MRPS5: variants seen among roughly 807,000 people sequenced by gnomAD.
MRPS5 encodes the protein mitochondrial ribosomal protein S5.
Under a neutral mutation model 51.9 loss-of-function variants are expected in MRPS5, and 27 were observed. The observed-to-expected ratio is 0.52, with a 90% CI of 0.38 to 0.72. MRPS5 has a LOEUF of 0.72. Ranked by LOEUF, MRPS5 falls within the 30% of genes least tolerant of loss-of-function variation. The pLI is 0.00. For synonymous variants in MRPS5, 196 were observed against 193.2 expected (o/e 1.01, Z -0.12); for missense variants, 570 against 545.7 (o/e 1.04, Z -0.44).
intron 6 of MRPS5, 52 bp downstream of exon 6, chr2:95,106,371 C>G: frequency 8.5e-7 from 1 of 1,173,248 alleles, no homozygotes; most frequent in Non-Finnish European, 1.3e-6. Flanking sequence ...CCTGCCCCAC[C>G]CACCCCAACC....
chr2:95,103,753 G>T (rs1675868194), intron 7 of MRPS5: 1 of 152,118 alleles, frequency 6.6e-6, no homozygotes, highest in South Asian at 2.1e-4. Flanking sequence ...ACGAATCAAG[G>T]AGAATGTTTA....
chr2:95,101,638 C>G (rs769823232), intron 8 of MRPS5, 39 bp downstream of exon 8: 6 of 1,529,112 alleles, frequency 3.9e-6, no homozygotes, highest in Non-Finnish European at 4.4e-6. Flanking sequence ...ACTTACTAAT[C>G]TTTTACTGAG....
Position 95,100,868 on chromosome 2 carries a change from C to T in MRPS5, c.837G>A (p.Leu279=). 1 of 1,608,264 alleles carries T rather than the reference C, an allele frequency of 6.2e-7. No individual in the cohort carries two copies. ...GGTCTTCATATCGTTCTATATAATG[C>T]AAATGGTGAACTGCTCTGTTCTTTG... is the stretch of plus-strand genomic sequence containing the variant. ...RKAKNRAVHH[L]HYIERYEDHT... Residue 279 remains leucine (L), a synonymous_variant, in exon 9 of 12, where the codon TTG becomes TTA. Coordinates refer to ENST00000272418, the MANE Select transcript of MRPS5 (RefSeq NM_031902.5).
In MRPS5 at chr2:95,108,241, G is replaced by T; in HGVS notation, c.571C>A (p.Arg191=). 1.2e-6 allele frequency: 2 copies of T among 1,614,022 alleles called. No homozygotes were observed. Among genetic ancestry groups the T allele is most frequent in the African/African-American group, 2.7e-5 (2 of 74,992 alleles). Residue 191 remains arginine, a synonymous_variant, in exon 5 of 12, where the codon CGA becomes AGA. Transcript: ENST00000272418. ...CCCCATGAGTTTCCACTCCATCCTC[G>T]CTCCCGTTTAACCTTCATCTTCTTC... ...RKKKMKVKRE[R]GWSGNSWGGI...
chr2:95,121,655 C>A, intron 1 of MRPS5, 79 bp downstream of exon 1: 1 of 1,458,490 alleles, frequency 6.9e-7, no homozygotes, highest in African/African-American at 1.5e-5. Flanking sequence ...TTCCCTCCGC[C>A]CCGACTTCTG....
At chr2:95,113,165 G>A (rs192400344) in intron 3 of MRPS5, among the ~76,000 whole-genome samples, 1 of 151,854 alleles carries the variant, frequency 6.6e-6, no homozygotes, top group African/African-American at 2.4e-5. Flanking sequence ...TTTAGAACAG[G>A]GAAAAGGCTA....
At chr2:95,106,384 T>TC in intron 6 of MRPS5, 39 bp downstream of exon 6, 7 of 679,208 alleles carry the variant, frequency 1.0e-5, no homozygotes, top group South Asian at 2.7e-5. Flanking sequence ...CCCCAACCTC[T>TC]CCAAAGGCTT....
intron 2 of MRPS5, 105 bp from the exon 3 acceptor site, chr2:95,115,308 T>C: frequency 8.7e-7 from 1 of 1,143,336 alleles, no homozygotes; most frequent in Non-Finnish European, 1.2e-6. Flanking sequence ...ACTAAAATCC[T>C]GAACTTTTAA....
chr2:95,107,397 TTC>T (rs1675981554), intron 5 of MRPS5, among the ~76,000 whole-genome samples: 1 of 152,184 alleles, frequency 6.6e-6, no homozygotes, highest in African/African-American at 2.4e-5. Flanking sequence ...GCTCACCTGA[TTC>T]TGTGCCCTGC....
intron 1 of MRPS5, among the ~76,000 whole-genome samples, chr2:95,121,387 C>G (rs543570044): frequency 6.6e-6 from 1 of 152,332 alleles, no homozygotes; most frequent in Non-Finnish European, 1.5e-5. Flanking sequence ...GACGACAAAC[C>G]CACGTCAACA....
chr2:95,109,931 G>T lies in MRPS5; in HGVS notation c.388C>A (p.Gln130Lys). ...ATAAGTTTACCTTCACCAATGATCTGACCCCTGTTCAGATCCTTTCTTTTC... is the reference window on the plus strand; with the variant it reads ...ATAAGTTTACCTTCACCAATGATCTTACCCCTGTTCAGATCCTTTCTTTTC... ...KKKRKDLNRGQIIGEGRYGFL... is the reference protein window; with the variant it reads ...KKKRKDLNRGKIIGEGRYGFL... Residue 130 changes from glutamine to lysine, a missense_variant, in exon 4 of 12, where the codon CAG (glutamine) becomes AAG (lysine). By Grantham distance (53) the Gln-to-Lys change is moderately conservative. Coordinates refer to ENST00000272418, the MANE Select transcript of MRPS5 (RefSeq NM_031902.5). 1.2e-6 allele frequency: 2 copies of T among 1,612,414 alleles called. No individual in the cohort carries two copies. Among genetic ancestry groups the T allele is most frequent in the South Asian group, 2.2e-5 (2 of 90,796 alleles).
intron 6 of MRPS5, among the ~76,000 whole-genome samples, chr2:95,105,544 AG>A (rs1675925499): frequency 6.6e-6 from 1 of 151,842 alleles, no homozygotes; most frequent in Non-Finnish European, 1.5e-5. Context: ...ACTCCACCTC[AG>A]AAAAAAAAAA....
At chr2:95,098,271 A>C (rs1285668501) in intron 10 of MRPS5, among the ~76,000 whole-genome samples, 1 of 152,232 alleles carries the variant, frequency 6.6e-6, no homozygotes, top group Non-Finnish European at 1.5e-5. Context: ...CCATTGTGGA[A>C]GATAGTGTGG....
intron 11 of MRPS5, among the ~76,000 whole-genome samples, chr2:95,090,034 G>A (rs1344504410): frequency 1.4e-4 from 21 of 151,494 alleles, no homozygotes; most frequent in African/African-American, 3.4e-4. Context: ...AAAATTAGCC[G>A]GGCGTAGTGG....
In MRPS5 at chr2:95,105,905, A is replaced by G. The variant is rs1242048763; in HGVS notation, c.672+518T>C. ...GAGCATTCAGTGCCAGCTCAAAGGG[A>G]AGTTGGCTATTTTAGAGAATGCTCC... is the stretch of plus-strand genomic sequence containing the variant. On this transcript the variant is annotated intron_variant, in intron 6 of 11. Coordinates refer to ENST00000272418, the MANE Select transcript of MRPS5 (RefSeq NM_031902.5). 2.6e-5 allele frequency among the ~76,000 whole-genome samples: 4 copies of G among 152,276 alleles called. No homozygotes were observed. The Middle Eastern group carries it at 0.01, about 388-fold the overall frequency.
intron 3 of MRPS5, among the ~76,000 whole-genome samples, chr2:95,114,246 T>C (rs968684229): frequency 1.3e-5 from 2 of 151,934 alleles, no homozygotes; most frequent in Non-Finnish European, 2.9e-5. Context: ...ATTGCCTTTA[T>C]AATCCTAATT....
At chr2:95,109,129 T>G (rs994472537) in intron 4 of MRPS5, among the ~76,000 whole-genome samples, 3 of 152,016 alleles carry the variant, frequency 2.0e-5, no homozygotes, top group African/African-American at 7.2e-5. Context: ...GACTTCAAGT[T>G]TCTCTATAAT....
intron 10 of MRPS5, among the ~76,000 whole-genome samples, chr2:95,093,918 G>A (rs577260830): frequency 6.6e-5 from 10 of 152,186 alleles, no homozygotes; most frequent in African/African-American, 2.2e-4. Context: ...TCAGAAGGTC[G>A]GTAATAACAA....
At chr2:95,112,862 G>C (rs571963798) in intron 3 of MRPS5, among the ~76,000 whole-genome samples, 2 of 151,952 alleles carry the variant, frequency 1.3e-5, no homozygotes, top group Non-Finnish European at 2.9e-5. Context: ...AAAATTAGCC[G>C]GGCGTGGTGG....
Sources: allele counts gnomAD v4.1 joint callset (sites outside exome capture counted in the v4.1 genomes callset), GRCh38; gene constraint gnomAD v4.1.1; transcripts MANE v1.5; gene names NCBI Gene and HGNC (gene_info 2026-07-23, HGNC 2026-07-21).